KRT78: variants seen among roughly 807,000 people sequenced by gnomAD.
The protein encoded by KRT78 is keratin, type II cytoskeletal 78.
In KRT78, 55 loss-of-function variants were observed where a neutral mutation model predicts 51.4. The observed-to-expected ratio is 1.07, with a 90% CI of 0.86 to 1.34. The LOEUF is 1.34. Ranked by LOEUF, KRT78 falls within the 40% of genes most tolerant of loss-of-function variation. The probability of loss-of-function intolerance (pLI) is 0.00; values close to 1 mark genes in which losing one functional copy is unlikely to be tolerated. For missense variants in KRT78, 652 were observed against 649.4 expected (o/e 1.00, Z -0.04); for synonymous variants, 291 against 264.3 (o/e 1.10, Z -0.98).
intron 7 of KRT78, 118 bp from the exon 8 acceptor site, chr12:52,839,605 G>T: frequency 7.6e-7 from 1 of 1,311,170 alleles, no homozygotes; most frequent in Non-Finnish European, 1.0e-6. Flanking sequence ...AAAATCCACA[G>T]TCTCCAACTT....
chr12:52,843,365 C>CA (rs933404015), intron 6 of KRT78, among the ~76,000 whole-genome samples: 8 of 128,018 alleles, frequency 6.2e-5, no homozygotes, highest in Non-Finnish European at 1.2e-4. Context: ...GACTCTGTCT[C>CA]AAAAAAAAGA....
Position 52,844,465 on chromosome 12 carries a change from T to G in KRT78, c.921+94A>C, listed in dbSNP as rs1373177729. On this transcript the variant is annotated intron_variant, in intron 5 of 8. Coordinates refer to ENST00000304620, the MANE Select transcript of KRT78 (RefSeq NM_173352.4). ...AGACCTTCAGGGAGGTAACTGGAAC[T>G]GCCCCAATGGGATCGAGGTGGATGA... 1.2e-5 allele frequency: 16 copies of G among 1,280,042 alleles called. No individual in the cohort carries two copies. In the South Asian group the frequency reaches 2.2e-4, roughly 18 times the overall value. 79.3% of individuals were successfully genotyped at this position (1,280,042 alleles called of 1,614,324 possible).
rs375042255 is a variant in KRT78, at chr12:52,839,759, C to G, written c.1268+5G>C. 2 of 1,613,482 alleles carry G rather than the reference C, an allele frequency of 1.2e-6. No homozygotes were observed. The highest frequency in any genetic ancestry group is 2.7e-5 in the African/African-American group (2 of 74,932). ...TATTCCCAGGTCCCTCCAAGCCTCC[C>G]TCACCTGCACTCCTCGCCCTCCAGC... is the stretch of plus-strand genomic sequence containing the variant. On this transcript the variant is annotated splice_donor_5th_base_variant and intron_variant, in intron 7 of 8. Transcript: ENST00000304620.
rs778735034 is a variant in KRT78 at position 52,848,754 on chromosome 12, C to A, written c.177G>T (p.Gly59=). The change falls in exon 1 of 9, where the codon GGG becomes GGT. Residue 59 remains glycine, a synonymous_variant. Transcript: ENST00000304620. ...CCCCAAACCGCACCCCCAGCCTACCCCCTGACCCCCAGGTACTCCCACGAG... is the reference window on the plus strand; with the variant it reads ...CCCCAAACCGCACCCCCAGCCTACCACCTGACCCCCAGGTACTCCCACGAG... ...EGSRGSTWGS[G]GRLGVRFGEW... is the part of the protein sequence containing the mutation. 2.5e-6 allele frequency: 4 copies of A among 1,611,290 alleles called. No homozygotes were observed. In the Admixed American group the frequency reaches 6.7e-5, roughly 27 times the overall value.
In KRT78 at chr12:52,839,749, C is replaced by T; in HGVS notation, c.1268+15G>A. The stretch of plus-strand genomic sequence containing the variant: ...CCCAAACTCATATTCCCAGGTCCCT[C>T]CAAGCCTCCCTCACCTGCACTCCTC... On this transcript the variant is annotated intron_variant, in intron 7 of 8. Coordinates refer to ENST00000304620, the MANE Select transcript of KRT78 (RefSeq NM_173352.4). 1 of 1,612,040 alleles carries T rather than the reference C, an allele frequency of 6.2e-7. No homozygotes were observed. The highest frequency in any genetic ancestry group is 8.5e-7 in the Non-Finnish European group (1 of 1,178,496).
At chr12:52,839,545 C>G in intron 7 of KRT78, 58 bp from the exon 8 acceptor site, 1 of 1,489,030 alleles carries the variant, frequency 6.7e-7, no homozygotes, top group Non-Finnish European at 9.0e-7. Context: ...GAATGCATCC[C>G]CACGAGCTTT....
chr12:52,846,039 A>G (rs1940634172), intron 4 of KRT78, 158 bp downstream of exon 4: 4 of 604,118 alleles, frequency 6.6e-6, no homozygotes, highest in Non-Finnish European at 1.2e-5. Flanking sequence ...CAATTCACAT[A>G]GTAAGTTTTC....
At chr12:52,846,712 C>G in intron 3 of KRT78, 52 bp downstream of exon 3, 7 of 1,498,948 alleles carry the variant, frequency 4.7e-6, no homozygotes, top group Non-Finnish European at 6.5e-6. Flanking sequence ...GACTAGGCTC[C>G]GTGCACAGTG....
chr12:52,842,871 C>T (rs1217172494), intron 6 of KRT78, among the ~76,000 whole-genome samples: 8 of 149,886 alleles, frequency 5.3e-5, no homozygotes, highest in Admixed American at 2.0e-4. Context: ...GCCGAGATCA[C>T]GCCATTGCAC....
chr12:52,842,959 G>GAGAGAGAGAGAGAAAGGA (rs1299063277), intron 6 of KRT78, among the ~76,000 whole-genome samples: 8 of 53,760 alleles, frequency 1.5e-4, no homozygotes, highest in African/African-American at 2.3e-4. Context: ...GAGAGAGAGA[G>GAGAGAGAGAGAGAAAGGA]AGGAAGGAAG....
intron 6 of KRT78, among the ~76,000 whole-genome samples, chr12:52,842,025 T>G (rs1264784488): frequency 6.6e-6 from 1 of 152,206 alleles, no homozygotes; most frequent in African/African-American, 2.4e-5. Context: ...ATCTGGATCT[T>G]AATAGCCACC....
intron 4 of KRT78, chr12:52,845,970 ATTTT>A (rs978341638): frequency 2.7e-4 from 138 of 520,022 alleles, no homozygotes; most frequent in Non-Finnish European, 4.0e-4. Context: ...AAAAAAAGCA[ATTTT>A]TTTATCTGTA....
chr12:52,845,540 A>G (rs77226587), intron 4 of KRT78, among the ~76,000 whole-genome samples: 7 of 152,274 alleles, frequency 4.6e-5, no homozygotes, highest in African/African-American at 1.7e-4. Context: ...CACCTGCTCC[A>G]TGTTCCCAAT....
At chr12:52,848,383 G>A (rs1328779706) in intron 1 of KRT78, 164 bp downstream of exon 1, 6 of 1,401,578 alleles carry the variant, frequency 4.3e-6, no homozygotes, top group East Asian at 5.0e-5. Context: ...CAGGGCCTCA[G>A]CATAGCCAGA....
chr12:52,848,118 G>C lies in KRT78; in HGVS notation c.388C>G (p.Arg130Gly). Reference protein sequence around the residue: ...NQFASFIDKVRFLEQQNKVLE... With the variant: ...NQFASFIDKVGFLEQQNKVLE... Reference sequence around the variant, plus strand: ...ACCTTGTTCTGCTGCTCCAGGAACCGCACCTGCAGCAAAAGCAGAGGATCC... The same window carrying C: ...ACCTTGTTCTGCTGCTCCAGGAACCCCACCTGCAGCAAAAGCAGAGGATCC... Residue 130 changes from arginine (R) to glycine (G), a missense_variant, in exon 2 of 9, where the codon CGG becomes GGG. By Grantham distance (125) the Arg-to-Gly change is moderately radical (BLOSUM62 -2). Coordinates refer to ENST00000304620, the MANE Select transcript of KRT78 (RefSeq NM_173352.4). The C allele has an allele frequency of 6.2e-7, 1 of 1,613,792 alleles. No homozygotes were observed. Among genetic ancestry groups the C allele is most frequent in the Non-Finnish European group, 8.5e-7 (1 of 1,179,850 alleles).
chr12:52,844,779 G>T, intron 4 of KRT78, 56 bp from the exon 5 acceptor site: 1 of 1,506,896 alleles, frequency 6.6e-7, no homozygotes, highest in Non-Finnish European at 9.0e-7. Context: ...TCCCCTTGAA[G>T]CCTAGGATGG....
chr12:52,847,811 G>T, intron 2 of KRT78, 96 bp downstream of exon 2: 1 of 1,049,888 alleles, frequency 9.5e-7, no homozygotes, highest in Non-Finnish European at 1.4e-6. Context: ...TGTGCCTCTG[G>T]GTGCTCAGTA....
At chr12:52,844,859 C>G in intron 4 of KRT78, 136 bp from the exon 5 acceptor site, 1 of 717,296 alleles carries the variant, frequency 1.4e-6, no homozygotes, top group Non-Finnish European at 2.2e-6. Context: ...TTGAGTATGC[C>G]CTGCTCACCA....
chr12:52,848,024 A>C lies in KRT78; in HGVS notation c.482T>G (p.Val161Gly), dbSNP rs1383055879. Residue 161 changes from valine to glycine, a missense_variant, in exon 2 of 9, where the codon GTC becomes GGC. Val to Gly is a moderately radical substitution (Grantham distance 109, BLOSUM62 -3). Transcript: ENST00000304620. Reference protein sequence around the residue: ...LSGSQQGLEPVFEACLDQLRK... With the variant: ...LSGSQQGLEPGFEACLDQLRK... The stretch of plus-strand genomic sequence containing the variant: ...GAGCTGATCCAGGCAGGCCTCAAAG[A>C]CAGGCTCCAGGCCCTGCTGGCTGCC... 2 of 1,614,144 alleles carry C rather than the reference A, an allele frequency of 1.2e-6. No homozygotes were observed. The highest frequency in any genetic ancestry group is 1.7e-6 in the Non-Finnish European group (2 of 1,180,004).
Sources: allele counts gnomAD v4.1 joint callset (sites outside exome capture counted in the v4.1 genomes callset), GRCh38; gene constraint gnomAD v4.1.1; transcripts MANE v1.5; gene names NCBI Gene and HGNC (gene_info 2026-07-23, HGNC 2026-07-21).